GBP7: variants seen among roughly 807,000 people sequenced by gnomAD.
GBP7 encodes the protein guanylate-binding protein 7.
GBP7 carries 43 observed loss-of-function variants against 61.3 expected under a neutral mutation model. That is an observed-to-expected ratio of 0.70 (90% CI 0.55 to 0.91). The LOEUF is 0.91. Among genes scored for constraint, GBP7 ranks in the 40% least tolerant of loss-of-function variants. The pLI is 0.00. For missense variants in GBP7, 717 were observed against 740.5 expected, an observed-to-expected ratio of 0.97 and a Z score of 0.37; for synonymous variants, 267 against 271.0, an observed-to-expected ratio of 0.99 and a Z score of 0.14.
chr1:89,156,610 A>G (rs1682321459), intron 3 of GBP7, among the ~76,000 whole-genome samples: 1 of 152,210 alleles, frequency 6.6e-6, no homozygotes, highest in Non-Finnish European at 1.5e-5. Flanking sequence ...GAGACAAAGA[A>G]GGCCATTACA....
At chr1:89,139,097 A>T (rs967537859) in intron 9 of GBP7, among the ~76,000 whole-genome samples, 1 of 152,174 alleles carries the variant, frequency 6.6e-6, no homozygotes. Context: ...CAAAACAGAG[A>T]TATAGATCAA....
At chr1:89,169,364 C>T (rs1427665720) in intron 2 of GBP7, among the ~76,000 whole-genome samples, 2 of 152,126 alleles carry the variant, frequency 1.3e-5, no homozygotes, top group Non-Finnish European at 2.9e-5. Context: ...CATGACTGTT[C>T]TTGCTGTACT....
Position 89,147,716 on chromosome 1 carries a change from A to G in GBP7, c.1216T>C (p.Cys406Arg), listed in dbSNP as rs1451124895. The G allele has an allele frequency of 1.2e-6, 2 of 1,614,174 alleles. No individual in the cohort carries two copies. The highest frequency in any genetic ancestry group is 1.7e-6 in the Non-Finnish European group (2 of 1,180,000). Residue 406 changes from cysteine to arginine, a missense_variant, in exon 8 of 11, where the codon TGT becomes CGT. By Grantham distance (180) the Cys-to-Arg change is radical. Coordinates refer to ENST00000294671, the MANE Select transcript of GBP7 (RefSeq NM_207398.3). ...GAAAGCCGCTTAAGCTCAGCCTGAC[A>G]ATATTTGGCAGATGCCTCTTCATTC... The part of the protein sequence containing the change: ...LQNEEASAKY[C>R]QAELKRLSEL...
At chr1:89,162,535 A>C (rs576888053) in intron 3 of GBP7, among the ~76,000 whole-genome samples, 3 of 152,028 alleles carry the variant, frequency 2.0e-5, no homozygotes, top group African/African-American at 7.3e-5. Flanking sequence ...TATGAATGGG[A>C]GTTTGTTCCT....
chr1:89,132,811 G>C (rs1211821567), intron 10 of GBP7, among the ~76,000 whole-genome samples: 2 of 152,210 alleles, frequency 1.3e-5, no homozygotes, highest in Non-Finnish European at 2.9e-5. Flanking sequence ...TTTTACTCTA[G>C]TTGTATAGGA....
At chr1:89,133,060 A>G (rs113635539) in intron 10 of GBP7, among the ~76,000 whole-genome samples, 198 bp downstream of exon 10, 4,147 of 152,308 alleles carry the variant, frequency 0.027, 181 homozygotes, top group African/African-American at 0.094. Flanking sequence ...TGTACTCTCC[A>G]AAGTCTAACA....
Position 89,153,095 on chromosome 1 carries a change from A to G in GBP7, c.319-318T>C, listed in dbSNP as rs527775085. The stretch of plus-strand genomic sequence containing the variant: ...GTGGTGCTGTAACCATTATGAGGAG[A>G]GCATCTTGGTATGAAGTCTCCTGAA... On this transcript the variant is annotated intron_variant, in intron 3 of 10. Transcript: ENST00000294671. Among the ~76,000 whole-genome samples, 5 of 152,268 alleles carry G rather than the reference A, an allele frequency of 3.3e-5. No individual in the cohort carries two copies. The East Asian group carries it at 7.7e-4, about 24-fold the overall frequency.
chr1:89,152,510 C>T (rs1162493120), intron 4 of GBP7, 46 bp from the exon 5 acceptor site: 1 of 1,578,196 alleles, frequency 6.3e-7, no homozygotes, highest in Non-Finnish European at 8.7e-7. Flanking sequence ...CCATCATTTC[C>T]ACATCTCACT....
intron 9 of GBP7, among the ~76,000 whole-genome samples, chr1:89,138,161 A>G (rs1344065438): frequency 6.6e-6 from 1 of 152,044 alleles, no homozygotes; most frequent in Non-Finnish European, 1.5e-5. Context: ...CTGAGACTGC[A>G]CAAACAAATG....
chr1:89,161,767 TTTAG>T, intron 3 of GBP7, among the ~76,000 whole-genome samples: 1 of 152,332 alleles, frequency 6.6e-6, no homozygotes, highest in African/African-American at 2.4e-5. Context: ...GCAGAAGCTC[TTTAG>T]TTAGTTCCCA....
intron 8 of GBP7, among the ~76,000 whole-genome samples, chr1:89,145,184 C>T (rs906918860): frequency 8.0e-4 from 122 of 152,130 alleles, no homozygotes; most frequent in Admixed American, 7.7e-3. Flanking sequence ...ATCTCCTGAC[C>T]TTGTGATCCA....
intron 2 of GBP7, among the ~76,000 whole-genome samples, chr1:89,165,408 G>T (rs1474045873): frequency 6.6e-6 from 1 of 152,028 alleles, no homozygotes; most frequent in East Asian, 1.9e-4. Flanking sequence ...GCTGAGGTAG[G>T]GGAGTCGCTT....
At chr1:89,146,042 T>C (rs1018469391) in intron 8 of GBP7, among the ~76,000 whole-genome samples, 2 of 152,164 alleles carry the variant, frequency 1.3e-5, no homozygotes, top group Non-Finnish European at 2.9e-5. Flanking sequence ...AAAGGCATCA[T>C]ACTATCTGAC....
At chr1:89,142,495 C>A (rs542329734) in intron 8 of GBP7, among the ~76,000 whole-genome samples, 1 of 152,298 alleles carries the variant, frequency 6.6e-6, no homozygotes, top group South Asian at 2.1e-4. Flanking sequence ...AAGCAATCCT[C>A]CTACCTTGGC....
At chr1:89,163,129 A>G (rs1647322780) in intron 3 of GBP7, among the ~76,000 whole-genome samples, 1 of 152,144 alleles carries the variant, frequency 6.6e-6, no homozygotes, top group African/African-American at 2.4e-5. Flanking sequence ...ATCATGGTGG[A>G]TAAGCTTTTT....
chr1:89,162,483 G>A (rs1647301790), intron 3 of GBP7, among the ~76,000 whole-genome samples: 1 of 152,118 alleles, frequency 6.6e-6, no homozygotes, highest in South Asian at 2.1e-4. Flanking sequence ...TCCTTGGAGA[G>A]GTCTTTTACC....
intron 2 of GBP7, among the ~76,000 whole-genome samples, chr1:89,169,735 C>G (rs1647546426): frequency 6.6e-6 from 1 of 152,162 alleles, no homozygotes; most frequent in Non-Finnish European, 1.5e-5. Context: ...AAAAAGTTCA[C>G]CAAACCACTC....
In GBP7 at chr1:89,142,582, G is replaced by C. The variant is rs867629281; in HGVS notation, c.1366-934C>G. 1.4e-4 allele frequency among the ~76,000 whole-genome samples: 21 copies of C among 152,232 alleles called. 1 individual carries two copies. In the Middle Eastern group the frequency reaches 0.017, roughly 123 times the overall value. ...ACTTTAAGAATTTGAAACTTTAAGG[G>C]AGTAACATGGCTGTCCAAAATGGGA... On this transcript the variant is annotated intron_variant, in intron 8 of 10. Coordinates refer to ENST00000294671, the MANE Select transcript of GBP7 (RefSeq NM_207398.3).
At chr1:89,164,999 A>G in intron 2 of GBP7, 141 bp from the exon 3 acceptor site, 1 of 770,590 alleles carries the variant, frequency 1.3e-6, no homozygotes, top group Non-Finnish European at 2.0e-6. Context: ...AATCAATCAA[A>G]TCTTTATTTG....
Sources: gnomAD v4.1 joint callset for allele counts (sites outside exome capture counted in the v4.1 genomes callset) on GRCh38, gnomAD v4.1.1 for gene constraint, MANE v1.5 for transcripts, NCBI Gene and HGNC (gene_info 2026-07-23, HGNC 2026-07-21) for gene names.